SLC35F1: variants seen among roughly 807,000 people sequenced by gnomAD.
The protein encoded by SLC35F1 is solute carrier family 35 member F1.
SLC35F1 carries 14 observed loss-of-function variants against 48.7 expected under a neutral mutation model. The ratio of observed to expected loss-of-function variants is 0.29; its 90% CI spans 0.19 to 0.45. SLC35F1 has a LOEUF of 0.45. SLC35F1 is among the 20% of genes least tolerant of loss of function. The pLI, the probability that SLC35F1 is intolerant of heterozygous loss-of-function variation, is 1.00. For synonymous variants in SLC35F1, 190 were observed against 202.2 expected, an observed-to-expected ratio of 0.94 and a Z score of 0.51; for missense variants, 404 against 500.0, an observed-to-expected ratio of 0.81 and a Z score of 1.83.
chr6:118,094,916 C>T (rs1286875924), intron 1 of SLC35F1, among the ~76,000 whole-genome samples: 1 of 151,486 alleles, frequency 6.6e-6, no homozygotes, highest in Non-Finnish European at 1.5e-5. Context: ...TGCAGTCAGC[C>T]GAGATCGTGC....
intron 2 of SLC35F1, among the ~76,000 whole-genome samples, chr6:118,222,571 A>G (rs1775165627): frequency 6.6e-6 from 1 of 152,180 alleles, no homozygotes; most frequent in Non-Finnish European, 1.5e-5. Context: ...TATAGTTCCT[A>G]TAAGAATCCC....
chr6:118,246,941 C>A (rs981670821), intron 3 of SLC35F1, among the ~76,000 whole-genome samples: 2 of 152,188 alleles, frequency 1.3e-5, no homozygotes, highest in African/African-American at 4.8e-5. Context: ...TGCTCTCAAG[C>A]TTGCCTGAGA....
At chr6:118,034,534 G>T (rs1772100078) in intron 1 of SLC35F1, among the ~76,000 whole-genome samples, 1 of 151,744 alleles carries the variant, frequency 6.6e-6, no homozygotes, top group African/African-American at 2.4e-5. Context: ...CTCCAGCCTG[G>T]GTGACAGAGT....
chr6:118,157,022 G>T (rs1274675981), intron 2 of SLC35F1, among the ~76,000 whole-genome samples: 1 of 152,170 alleles, frequency 6.6e-6, no homozygotes, highest in Non-Finnish European at 1.5e-5. Flanking sequence ...CATCTATTGA[G>T]CCTTTATAAT....
chr6:118,186,736 C>A (rs1290867002), intron 2 of SLC35F1, among the ~76,000 whole-genome samples: 2 of 152,120 alleles, frequency 1.3e-5, no homozygotes, highest in African/African-American at 4.8e-5. Flanking sequence ...GACCTGTAGT[C>A]CACAGTCTCT....
chr6:118,205,246 A>G (rs559757108), intron 2 of SLC35F1, among the ~76,000 whole-genome samples: 1 of 152,184 alleles, frequency 6.6e-6, no homozygotes, highest in African/African-American at 2.4e-5. Context: ...TGTCTGTGCT[A>G]TTGGTTGGAG....
chr6:118,175,909 C>T (rs912300998), intron 2 of SLC35F1, among the ~76,000 whole-genome samples: 3 of 151,860 alleles, frequency 2.0e-5, no homozygotes, highest in Non-Finnish European at 4.4e-5. Context: ...AATAACTTTT[C>T]TTATTTATAG....
intron 1 of SLC35F1, among the ~76,000 whole-genome samples, chr6:118,119,721 C>CTTT (rs1274103712): frequency 6.6e-6 from 1 of 152,066 alleles, no homozygotes; most frequent in Admixed American, 6.6e-5. Flanking sequence ...TGTGGCTTCT[C>CTTT]TTTTGTAGGC....
chr6:118,120,336 T>C (rs904686334), intron 1 of SLC35F1, among the ~76,000 whole-genome samples: 1 of 152,264 alleles, frequency 6.6e-6, no homozygotes, highest in African/African-American at 2.4e-5. Context: ...CTAACTGCCG[T>C]CTCATCACAA....
intron 7 of SLC35F1, among the ~76,000 whole-genome samples, chr6:118,304,854 G>C (rs1186145562): frequency 6.6e-6 from 1 of 151,116 alleles, no homozygotes. Context: ...GAGGCAAACA[G>C]GCATGTAAAT....
chr6:118,032,182 T>C (rs1388411781), intron 1 of SLC35F1, among the ~76,000 whole-genome samples: 1 of 152,216 alleles, frequency 6.6e-6, no homozygotes, highest in African/African-American at 2.4e-5. Flanking sequence ...GTTATTCATC[T>C]TTTGAATTCA....
At chr6:117,966,696 G>A (rs1776575478) in intron 1 of SLC35F1, among the ~76,000 whole-genome samples, 2 of 152,134 alleles carry the variant, frequency 1.3e-5, no homozygotes, top group African/African-American at 4.8e-5. Context: ...GCTTGTTGAT[G>A]GCCATCTTCT....
intron 2 of SLC35F1, among the ~76,000 whole-genome samples, chr6:118,179,301 A>C (rs1774537580): frequency 6.6e-6 from 1 of 152,174 alleles, no homozygotes; most frequent in Non-Finnish European, 1.5e-5. Context: ...TTTTGAGTCC[A>C]GAAGCCTGAG....
intron 1 of SLC35F1, among the ~76,000 whole-genome samples, chr6:118,033,236 T>G (rs1772079116): frequency 6.6e-6 from 1 of 151,546 alleles, no homozygotes. Flanking sequence ...TTGAATGGCA[T>G]TTTATTTTCT....
chr6:118,077,538 T>C (rs1296103212), intron 1 of SLC35F1, among the ~76,000 whole-genome samples: 3 of 152,226 alleles, frequency 2.0e-5, no homozygotes, highest in African/African-American at 7.2e-5. Flanking sequence ...CATTTTTGTC[T>C]AATTGACCTT....
chr6:118,105,728 A>G (rs1227550307), intron 1 of SLC35F1, among the ~76,000 whole-genome samples: 1 of 152,146 alleles, frequency 6.6e-6, no homozygotes, highest in East Asian at 1.9e-4. Flanking sequence ...TCACACTTTT[A>G]TGCTTAATGT....
At chr6:117,953,714 T>C (rs1162831586) in intron 1 of SLC35F1, among the ~76,000 whole-genome samples, 1 of 152,216 alleles carries the variant, frequency 6.6e-6, no homozygotes, top group African/African-American at 2.4e-5. Context: ...TATAAGTGAA[T>C]GTTCCAGAGT....
intron 1 of SLC35F1, among the ~76,000 whole-genome samples, chr6:118,108,150 TCACACACA>T (rs924140903): frequency 1.3e-5 from 2 of 151,530 alleles, no homozygotes; most frequent in Admixed American, 6.6e-5. Context: ...AATATTTGAT[TCACACACA>T]CACACACAAA....
chr6:117,986,383 T>C (rs1203540619), intron 1 of SLC35F1, among the ~76,000 whole-genome samples: 2 of 152,268 alleles, frequency 1.3e-5, no homozygotes, highest in South Asian at 2.1e-4. Flanking sequence ...TAATTGTTCA[T>C]GTCAGACCAA....
Sources: gnomAD v4.1 joint callset for allele counts (sites outside exome capture counted in the v4.1 genomes callset) on GRCh38, gnomAD v4.1.1 for gene constraint, MANE v1.5 for transcripts, NCBI Gene and HGNC (gene_info 2026-07-23, HGNC 2026-07-21) for gene names.